CADM1: variants seen among roughly 807,000 people sequenced by gnomAD.
CADM1 encodes cell adhesion molecule 1, also known as TSLC-1.
CADM1 carries 15 observed loss-of-function variants against 53.1 expected under a neutral mutation model. The ratio of observed to expected loss-of-function variants is 0.28; its 90% CI spans 0.19 to 0.44. CADM1 has a LOEUF of 0.44. Among genes scored for constraint, CADM1 ranks in the 20% least tolerant of loss-of-function variants. The pLI is 1.00. For missense variants in CADM1, 434 were observed against 611.3 expected (o/e 0.71, Z 3.06); for synonymous variants, 281 against 243.0 (o/e 1.16, Z -1.45).
rs202149058 is a variant in CADM1 at position 115,240,432 on chromosome 11, G to A, written c.125-12C>T. 1.9e-6 allele frequency: 3 copies of A among 1,613,344 alleles called. No homozygotes were observed. In the African/African-American group the frequency reaches 4.0e-5, roughly 22 times the overall value. ...ATTCTGCCCATCACCTTAAAAAAAG[G>A]GAAGAAAAGGTCAGAGGAAAATTTC... is the stretch of plus-strand genomic sequence containing the variant. On this transcript the variant is annotated splice_polypyrimidine_tract_variant and intron_variant, in intron 1 of 11. Coordinates refer to ENST00000331581, the MANE Select transcript of CADM1 (RefSeq NM_001301043.2).
intron 10 of CADM1, among the ~76,000 whole-genome samples, chr11:115,180,907 T>C (rs932574698): frequency 5.3e-5 from 8 of 152,170 alleles, no homozygotes; most frequent in Admixed American, 4.6e-4. Flanking sequence ...TTAAAATTTA[T>C]GTGTCTTTCG....
rs1453311586 is a variant in CADM1 at position 115,338,949 on chromosome 11, G to A, written c.125-98529C>T. On this transcript the variant is annotated intron_variant, in intron 1 of 11. Transcript: ENST00000331581. ...TAGGGTACATGTGCACATTGTGCAG[G>A]TTAGTTACATATGTATACATGTGCC... Among the ~76,000 whole-genome samples, 12 of 138,288 alleles carry A rather than the reference G, an allele frequency of 8.7e-5. No homozygotes were observed. The Admixed American group carries it at 8.9e-4, about 10-fold the overall frequency. 90.7% of individuals were successfully genotyped at this position (138,288 alleles called of 152,430 possible). A position where few individuals can be genotyped will look rare whatever the true frequency, so the allele number is the denominator to read the frequency against.
At chr11:115,375,213 A>G (rs1246889828) in intron 1 of CADM1, among the ~76,000 whole-genome samples, 1 of 152,202 alleles carries the variant, frequency 6.6e-6, no homozygotes, top group Non-Finnish European at 1.5e-5. Flanking sequence ...GATATTCAAT[A>G]CACTATGCCC....
intron 1 of CADM1, among the ~76,000 whole-genome samples, chr11:115,258,356 C>T (rs1043512786): frequency 8.5e-5 from 13 of 152,172 alleles, no homozygotes; most frequent in Non-Finnish European, 1.5e-4. Context: ...GGTGATGCAT[C>T]GCCTGCCCTT....
chr11:115,244,173 A>G (rs1942333804), intron 1 of CADM1, among the ~76,000 whole-genome samples: 2 of 152,256 alleles, frequency 1.3e-5, no homozygotes, highest in Admixed American at 6.5e-5. Context: ...ACTCATCACA[A>G]TGAAGAGAAA....
At chr11:115,375,417 G>A (rs543298837) in intron 1 of CADM1, among the ~76,000 whole-genome samples, 70 of 152,188 alleles carry the variant, frequency 4.6e-4, no homozygotes, top group African/African-American at 1.5e-3. Flanking sequence ...TCTTGACCTC[G>A]GTAATGGTTA....
chr11:115,213,245 T>C (rs989759276), intron 7 of CADM1, among the ~76,000 whole-genome samples: 11 of 152,154 alleles, frequency 7.2e-5, no homozygotes, highest in African/African-American at 2.7e-4. Context: ...GAGCAGTCTG[T>C]GGAAAGAGGT....
rs773876325 is a variant in CADM1, at chr11:115,504,292, CGGA to C, written c.100_102del (p.Ser34del). 8.3e-6 allele frequency: 13 copies of C among 1,567,776 alleles called. No individual in the cohort carries two copies. Among genetic ancestry groups the C allele is most frequent in the South Asian group, 7.0e-5 (6 of 85,230 alleles). On this transcript the variant is annotated inframe_deletion, in exon 1 of 12. Transcript: ENST00000331581. ...CTACCTGTGGGGATCAGTGCCGCGG[CGGA>C]GAAGAGCAACAGCAGAAGCCGGAGC... is the stretch of plus-strand genomic sequence containing the variant.
intron 1 of CADM1, among the ~76,000 whole-genome samples, chr11:115,295,034 A>C (rs4936327): frequency 0.56 from 84,519 of 151,956 alleles, 26,628 homozygotes; most frequent in East Asian, 0.87. Context: ...AGTGAAACTC[A>C]GTCTCAACAA....
chr11:115,258,315 A>G (rs1473130932), intron 1 of CADM1, among the ~76,000 whole-genome samples: 2 of 152,074 alleles, frequency 1.3e-5, no homozygotes, highest in Non-Finnish European at 2.9e-5. Flanking sequence ...CTGTCTTTCT[A>G]TTACTCCGAT....
At chr11:115,490,256 C>T (rs1949463128) in intron 1 of CADM1, among the ~76,000 whole-genome samples, 1 of 151,934 alleles carries the variant, frequency 6.6e-6, no homozygotes, top group Non-Finnish European at 1.5e-5. Flanking sequence ...GGACCTATAG[C>T]TAATATAGGG....
intron 1 of CADM1, among the ~76,000 whole-genome samples, chr11:115,410,312 C>T (rs761502065): frequency 1.3e-5 from 2 of 152,212 alleles, no homozygotes; most frequent in Non-Finnish European, 2.9e-5. Flanking sequence ...AAGGACACAT[C>T]GGAAAATTAA....
intron 1 of CADM1, among the ~76,000 whole-genome samples, chr11:115,327,363 C>A (rs375357382): frequency 3.9e-5 from 6 of 152,158 alleles, no homozygotes; most frequent in Non-Finnish European, 5.9e-5. Context: ...CTGGCACTTG[C>A]GGGATGCTGC....
chr11:115,432,456 G>A (rs1244785392), intron 1 of CADM1, among the ~76,000 whole-genome samples: 1 of 152,110 alleles, frequency 6.6e-6, no homozygotes, highest in Non-Finnish European at 1.5e-5. Flanking sequence ...AGTGTTCTAT[G>A]AGGTCAAGGA....
chr11:115,366,605 G>A (rs112910616), intron 1 of CADM1, among the ~76,000 whole-genome samples: 270 of 152,292 alleles, frequency 1.8e-3, no homozygotes, highest in African/African-American at 6.0e-3. Context: ...TCTGTGTGAT[G>A]TAAAAAATGG....
intron 1 of CADM1, among the ~76,000 whole-genome samples, chr11:115,293,626 A>G (rs936644168): frequency 9.9e-5 from 15 of 152,232 alleles, no homozygotes; most frequent in African/African-American, 3.6e-4. Flanking sequence ...ACAAAATGTT[A>G]TACTGTAAAT....
chr11:115,313,976 T>G (rs780025381), intron 1 of CADM1, among the ~76,000 whole-genome samples: 15 of 152,112 alleles, frequency 9.9e-5, no homozygotes, highest in Non-Finnish European at 1.8e-4. Context: ...ATTGTAAATG[T>G]GAAGCTCTCT....
In CADM1 at chr11:115,322,435, C is replaced by T. The variant is rs117351053; in HGVS notation, c.125-82015G>A. Among the ~76,000 whole-genome samples, 772 of 152,288 alleles carry T rather than the reference C, an allele frequency of 5.1e-3. 5 individuals are homozygous for T. The highest frequency in any genetic ancestry group is 6.0e-3 in the Non-Finnish European group (410 of 68,024). On this transcript the variant is annotated intron_variant, in intron 1 of 11. Transcript: ENST00000331581. ...GATATAATTCATATATCACAGAACT[C>T]ACCTGTTTATAGTGTACAGTTCAAT...
chr11:115,434,561 A>G (rs1056839958), intron 1 of CADM1, among the ~76,000 whole-genome samples: 1 of 152,192 alleles, frequency 6.6e-6, no homozygotes. Flanking sequence ...TTTATAAAAC[A>G]GAGATGAGAA....
Sources: gnomAD v4.1 joint callset for allele counts (sites outside exome capture counted in the v4.1 genomes callset) on GRCh38, gnomAD v4.1.1 for gene constraint, MANE v1.5 for transcripts, NCBI Gene and HGNC (gene_info 2026-07-23, HGNC 2026-07-21) for gene names.